The following VMP1 variants were observed in gnomAD, a reference collection of about 807,000 sequenced individuals.
VMP1 encodes vacuole membrane protein 1, also known as ectopic P-granules autophagy protein 3 homolog.
Under a neutral mutation model 56.0 loss-of-function variants are expected in VMP1, and 11 were observed. That is an observed-to-expected ratio of 0.20 (90% CI 0.12 to 0.32). VMP1 has a LOEUF of 0.32. Among genes scored for constraint, VMP1 ranks in the 10% least tolerant of loss-of-function variants. The probability of loss-of-function intolerance (pLI) is 1.00; values close to 1 mark genes in which losing one functional copy is unlikely to be tolerated. For synonymous variants in VMP1, 149 were observed against 165.0 expected (o/e 0.90, Z 0.74); for missense variants, 296 against 490.3 (o/e 0.60, Z 3.74).
intron 7 of VMP1, 55 bp from the exon 8 acceptor site, chr17:59,808,741 A>T: frequency 5.9e-6 from 8 of 1,348,750 alleles, no homozygotes; most frequent in South Asian, 1.2e-5. Context: ...AGAAAGAACC[A>T]TCTTTCCTTC....
intron 9 of VMP1, among the ~76,000 whole-genome samples, chr17:59,812,168 C>T: frequency 6.6e-6 from 1 of 152,138 alleles, no homozygotes; most frequent in Non-Finnish European, 1.5e-5. Flanking sequence ...GTTTTACCAA[C>T]CACAAGCTGA....
chr17:59,801,936 C>CA (rs1417224150), intron 7 of VMP1, among the ~76,000 whole-genome samples: 4 of 152,076 alleles, frequency 2.6e-5, no homozygotes, highest in South Asian at 4.1e-4. Context: ...TGTAGTGACT[C>CA]ACGCCTGTAA....
At position 59,735,419 on chromosome 17, in the gene VMP1, C is replaced by T. The variant is rs1330091923; in HGVS notation, c.158C>T (p.Thr53Ile). ...GTCCTGTGGAGACAGCCGCTCATTA[C>T]CTTGCAGTATTTTTCTCTGGAAATC... ...NIVLWRQPLI[T>I]LQYFSLEILV... The change falls in exon 3 of 12, where the codon ACC becomes ATC. Residue 53 changes from threonine (T) to isoleucine (I), a missense_variant. Physicochemically the swap from Thr to Ile is moderately conservative, Grantham distance 89. This residue lies in a region of VMP1 where 69 missense variants were observed against 76.6 expected (regional missense o/e 0.90). Transcript: ENST00000262291. 7 of 1,614,014 alleles carry T rather than the reference C, an allele frequency of 4.3e-6. No individual in the cohort carries two copies. The highest frequency in any genetic ancestry group is 1.7e-6 in the Non-Finnish European group (2 of 1,180,020).
chr17:59,784,142 T>TGTGTGTGAGAGAGAGA (rs556387089), intron 7 of VMP1, among the ~76,000 whole-genome samples: 3 of 130,376 alleles, frequency 2.3e-5, no homozygotes, highest in African/African-American at 9.0e-5. Flanking sequence ...TGTGTGTGTG[T>TGTGTGTGAGAGAGAGA]GAGAGAGAGA....
intron 7 of VMP1, among the ~76,000 whole-genome samples, chr17:59,800,931 T>C (rs2037618005): frequency 6.6e-6 from 1 of 151,468 alleles, no homozygotes; most frequent in Non-Finnish European, 1.5e-5. Context: ...AATACAAAAA[T>C]TATCTGGGCC....
intron 10 of VMP1, among the ~76,000 whole-genome samples, chr17:59,832,739 G>C (rs1045906949): frequency 2.0e-5 from 3 of 147,088 alleles, no homozygotes; most frequent in Non-Finnish European, 4.5e-5. Flanking sequence ...GATTATGGGC[G>C]CCCACCACCG....
At chr17:59,811,498 A>G (rs1211692553) in intron 8 of VMP1, among the ~76,000 whole-genome samples, 172 bp from the exon 9 acceptor site, 1 of 152,206 alleles carries the variant, frequency 6.6e-6, no homozygotes, top group African/African-American at 2.4e-5. Flanking sequence ...GCTTCTAGAC[A>G]CATTAGGATG....
chr17:59,790,307 G>T (rs1445266160), intron 7 of VMP1, among the ~76,000 whole-genome samples: 1 of 152,110 alleles, frequency 6.6e-6, no homozygotes, highest in African/African-American at 2.4e-5. Flanking sequence ...AATTCATTCA[G>T]TGCTCCCCTC....
intron 5 of VMP1, among the ~76,000 whole-genome samples, chr17:59,742,905 G>A (rs1047718385): frequency 5.3e-5 from 8 of 152,088 alleles, no homozygotes; most frequent in South Asian, 4.1e-4. Context: ...CTGATAATCT[G>A]AGGTGGAACA....
At chr17:59,760,847 C>T (rs1026770789) in intron 5 of VMP1, among the ~76,000 whole-genome samples, 1 of 152,158 alleles carries the variant, frequency 6.6e-6, no homozygotes, top group Non-Finnish European at 1.5e-5. Flanking sequence ...TCTCAATCTC[C>T]TGACCTCATG....
At position 59,838,413 on chromosome 17, in the gene VMP1, G is replaced by T. The variant is rs779793924; in HGVS notation, c.1077+16G>T. On this transcript the variant is annotated intron_variant, in intron 11 of 11. Transcript: ENST00000262291. ...CACACCACAGGTAAGACTTTAATCC[G>T]GTTTCTTCTCCCCTCTGGGAAGTTT... 3 of 1,613,280 alleles carry T rather than the reference G, an allele frequency of 1.9e-6. No homozygotes were observed. The highest frequency in any genetic ancestry group is 4.5e-5 in the East Asian group (2 of 44,874).
In VMP1 at chr17:59,765,110, C is replaced by T. The variant is rs1416207043; in HGVS notation, c.554C>T (p.Ser185Leu). ...ACCATTTCTTTGTGGAGTATCATCT[C>T]AAAAGTTAGGATTGAAGCCTGCATG... The part of the protein sequence containing the change: ...EGTISLWSII[S>L]KVRIEACMWG... The change falls in exon 6 of 12, where the codon TCA becomes TTA. Residue 185 changes from serine to leucine, a missense_variant. Ser to Leu is a moderately radical substitution (Grantham distance 145, BLOSUM62 -2). Coordinates refer to ENST00000262291, the MANE Select transcript of VMP1 (RefSeq NM_030938.5). The T allele has an allele frequency of 6.2e-7, 1 of 1,613,542 alleles. No individual in the cohort carries two copies. The highest frequency in any genetic ancestry group is 1.1e-5 in the South Asian group (1 of 90,924).
chr17:59,771,786 G>T lies in VMP1; in HGVS notation c.583-1968G>T, dbSNP rs570951578. On this transcript the variant is annotated intron_variant, in intron 6 of 11. Coordinates refer to ENST00000262291, the MANE Select transcript of VMP1 (RefSeq NM_030938.5). ...TTTGTAGAGACAGCCTCATTATGTT[G>T]CCCAGGCTGTTCTTGAGCTCATGTA... Among the ~76,000 whole-genome samples, 10 of 151,546 alleles carry T rather than the reference G, an allele frequency of 6.6e-5. No individual in the cohort carries two copies. In the East Asian group the frequency reaches 1.9e-3, roughly 29 times the overall value.
intron 7 of VMP1, among the ~76,000 whole-genome samples, chr17:59,800,109 G>T (rs1341707981): frequency 1.3e-5 from 2 of 152,040 alleles, no homozygotes; most frequent in African/African-American, 2.4e-5. Context: ...AACTCAAAGA[G>T]CCCTGATAAT....
chr17:59,834,337 A>G (rs1256004264), intron 10 of VMP1, among the ~76,000 whole-genome samples: 2 of 151,668 alleles, frequency 1.3e-5, no homozygotes, highest in African/African-American at 2.4e-5. Context: ...ATCTCAGCTC[A>G]CTGCAACCTC....
chr17:59,769,991 C>G (rs2036368531), intron 6 of VMP1, among the ~76,000 whole-genome samples: 1 of 152,060 alleles, frequency 6.6e-6, no homozygotes, highest in South Asian at 2.1e-4. Flanking sequence ...TGACTAAATT[C>G]CCTTGTTATT....
chr17:59,828,945 GTC>G (rs1568225117), intron 10 of VMP1, among the ~76,000 whole-genome samples: 1 of 152,086 alleles, frequency 6.6e-6, no homozygotes, highest in African/African-American at 2.4e-5. Context: ...GTGAAACCCT[GTC>G]TCTACTAAAA....
chr17:59,838,154 C>G (rs2144354506), intron 10 of VMP1, 141 bp from the exon 11 acceptor site: 89 of 190,790 alleles, frequency 4.7e-4, no homozygotes, highest in Middle Eastern at 2.1e-3. Context: ...TTCAGCAGTT[C>G]TCTGATTTTT....
intron 7 of VMP1, among the ~76,000 whole-genome samples, chr17:59,786,555 G>T (rs1292781173): frequency 6.6e-6 from 1 of 152,196 alleles, no homozygotes; most frequent in African/African-American, 2.4e-5. Flanking sequence ...GTCAGTTGTT[G>T]CTGGGACCTG....
Sources: gnomAD v4.1 joint callset for allele counts (sites outside exome capture counted in the v4.1 genomes callset) on GRCh38, gnomAD v4.1.1 for gene constraint, gnomAD v4.1.1 regional missense constraint, MANE v1.5 for transcripts, NCBI Gene and HGNC (gene_info 2026-07-23, HGNC 2026-07-21) for gene names.